The following PAGE2B variants were observed in gnomAD, a reference collection of about 807,000 sequenced individuals.
PAGE2B encodes putative G antigen family E member 3.
PAGE2B carries 5 observed loss-of-function variants against 7.6 expected under a neutral mutation model. The observed-to-expected ratio is 0.66, with a 90% CI of 0.34 to 1.38. The LOEUF (loss-of-function observed/expected upper bound fraction) is 1.38, where lower values mean the gene tolerates loss of function less well. Among genes scored for constraint, PAGE2B ranks in the 40% most tolerant of loss-of-function variants. The pLI is 0.04. For missense variants in PAGE2B, 70 were observed against 78.4 expected (o/e 0.89, Z 0.41); for synonymous variants, 29 against 26.7 (o/e 1.09, Z -0.27).
chrX:55,043,703 C>G, the PAGE2B span, among the ~76,000 whole-genome samples: 1 of 111,226 alleles, frequency 9.0e-6, no homozygotes, highest in Non-Finnish European at 1.9e-5. Context: ...CGCAGTGGCT[C>G]TTGCCTGCAA....
upstream of PAGE2B, among the ~76,000 whole-genome samples, chrX:55,072,549 A>C (rs1278406854): frequency 3.6e-5 from 4 of 112,418 alleles, no homozygotes; most frequent in African/African-American, 1.3e-4. Context: ...CCACTTGAGG[A>C]GGCAGTCTGT....
intron 2 of PAGE2B, 119 bp from the exon 3 acceptor site, chrX:55,076,450 A>G: frequency 4.4e-6 from 3 of 676,578 alleles, no homozygotes; most frequent in Non-Finnish European, 6.6e-6. Context: ...ATATGTATAT[A>G]CATATATATG....
chrX:55,070,997 T>C (rs1369360885), upstream of PAGE2B, among the ~76,000 whole-genome samples: 1 of 111,953 alleles, frequency 8.9e-6, no homozygotes, highest in African/African-American at 3.2e-5. Context: ...AATTTGCCAG[T>C]CTGTGTCTTT....
chrX:55,037,748 G>T, the PAGE2B span, among the ~76,000 whole-genome samples: 2 of 109,883 alleles, frequency 1.8e-5, no homozygotes, highest in East Asian at 5.8e-4. Context: ...TCATTTCTTT[G>T]TAGGGACATG....
chrX:55,062,171 C>T, the PAGE2B span, among the ~76,000 whole-genome samples: 1 of 111,551 alleles, frequency 9.0e-6, no homozygotes, highest in Non-Finnish European at 1.9e-5. Context: ...GAGGAACCTC[C>T]AAACTGTTCT....
chrX:55,051,260 C>G, the PAGE2B span, among the ~76,000 whole-genome samples: 23 of 111,341 alleles, frequency 2.1e-4, no homozygotes, highest in Non-Finnish European at 4.0e-4. Flanking sequence ...TTCATTTCAA[C>G]TTTGGTGAAT....
At chrX:55,047,762 G>T in the PAGE2B span, among the ~76,000 whole-genome samples, 1 of 111,912 alleles carries the variant, frequency 8.9e-6, no homozygotes, top group Non-Finnish European at 1.9e-5. Flanking sequence ...TTTTGATGGG[G>T]TTGTTTGTTT....
the PAGE2B span, among the ~76,000 whole-genome samples, chrX:55,069,863 G>C: frequency 8.9e-6 from 1 of 111,791 alleles, no homozygotes; most frequent in Admixed American, 9.5e-5. Context: ...ATGGTAGTTT[G>C]TATTTCTGTG....
chrX:55,077,338 C>T (rs1936532713), intron 3 of PAGE2B, 61 bp from the exon 4 acceptor site: 3 of 1,193,979 alleles, frequency 2.5e-6, no homozygotes, highest in Non-Finnish European at 3.4e-6. Context: ...TAAATATTAT[C>T]ATTTCCTTGT....
chrX:55,039,252 T>C, the PAGE2B span, among the ~76,000 whole-genome samples: 1 of 111,341 alleles, frequency 9.0e-6, no homozygotes, highest in Admixed American at 9.7e-5. Context: ...GACTCTGTTT[T>C]AGTTGGGTAT....
the PAGE2B span, among the ~76,000 whole-genome samples, chrX:55,057,260 G>A: frequency 6.3e-5 from 7 of 111,285 alleles, no homozygotes; most frequent in East Asian, 2.8e-4. Flanking sequence ...AGCAGAGGTC[G>A]GTTACCAGGG....
the PAGE2B span, among the ~76,000 whole-genome samples, chrX:55,037,802 C>G: frequency 9.6e-6 from 1 of 103,834 alleles, no homozygotes; most frequent in Non-Finnish European, 1.9e-5. Flanking sequence ...ATCACAAGGA[C>G]AAAAAACCAA....
At chrX:55,041,758 C>T in the PAGE2B span, among the ~76,000 whole-genome samples, 533 of 111,399 alleles carry the variant, frequency 4.8e-3, 6 homozygotes, top group East Asian at 0.06. Context: ...GCTGCCGTGG[C>T]GGTTCACATC....
chrX:55,044,829 T>G, the PAGE2B span: 4 of 112,167 alleles, frequency 3.6e-5, no homozygotes, highest in Non-Finnish European at 7.5e-5. Flanking sequence ...TGCTATAGAT[T>G]GCTGATGCAT....
the PAGE2B span, among the ~76,000 whole-genome samples, chrX:55,050,491 C>G: frequency 1.8e-5 from 2 of 109,483 alleles, no homozygotes; most frequent in Admixed American, 9.8e-5. Flanking sequence ...TCTGGGTGCT[C>G]CTGTATTGGG....
upstream of PAGE2B, among the ~76,000 whole-genome samples, chrX:55,070,664 G>C (rs148602119): frequency 9.0e-6 from 1 of 111,415 alleles, no homozygotes; most frequent in East Asian, 2.8e-4. Flanking sequence ...TTGTGTGGGA[G>C]TCTAAGTCTC....
In PAGE2B at chrX:55,077,381, A is replaced by T. The variant is rs765982162; in HGVS notation, c.194-18A>T. On this transcript the variant is annotated intron_variant, in intron 3 of 4. Transcript: ENST00000374971. ...TCATGTTTTAATTTGTAAACTGATG[A>T]CCTTTTTATCTTTTAAGGGCCTGAC... The T allele has an allele frequency of 8.3e-6, 10 of 1,206,609 alleles. No individual in the cohort carries two copies. In the Admixed American group the frequency reaches 2.2e-4, roughly 27 times the overall value.
At chrX:55,047,335 A>C in the PAGE2B span, among the ~76,000 whole-genome samples, 1 of 111,677 alleles carries the variant, frequency 9.0e-6, no homozygotes, top group African/African-American at 3.2e-5. Context: ...TCATTGTTGG[A>C]CATTTGGGTT....
chrX:55,073,134 G>T (rs1280302844), upstream of PAGE2B, among the ~76,000 whole-genome samples: 2 of 111,585 alleles, frequency 1.8e-5, no homozygotes, highest in Non-Finnish European at 3.8e-5. Context: ...TAAAACTCCT[G>T]CAACTAGCTC....
Sources: allele counts gnomAD v4.1 joint callset (sites outside exome capture counted in the v4.1 genomes callset), GRCh38; gene constraint gnomAD v4.1.1; transcripts MANE v1.5; gene names NCBI Gene and HGNC (gene_info 2026-07-23, HGNC 2026-07-21).